ANK1: variants seen among roughly 807,000 people sequenced by gnomAD.
The protein encoded by ANK1 is ankyrin 1.
A neutral mutation model predicts 210.4 loss-of-function variants in ANK1; 51 were observed. The ratio of observed to expected loss-of-function variants is 0.24; its 90% CI spans 0.19 to 0.31. The LOEUF (loss-of-function observed/expected upper bound fraction) is 0.31. Among genes scored for constraint, ANK1 ranks in the 10% least tolerant of loss-of-function variants. The pLI, the probability that ANK1 is intolerant of heterozygous loss-of-function variation, is 1.00. For synonymous variants in ANK1, 967 were observed against 1,025.9 expected (o/e 0.94, Z 1.10); for missense variants, 2,051 against 2,504.4 (o/e 0.82, Z 3.86).
In ANK1 at chr8:41,783,144, G is replaced by A. The variant is rs929207614; in HGVS notation, c.27+14368C>T. Reference sequence around the variant, plus strand: ...CCTAATTAAGTGAATGCAGCGCATGGGGTTTCTGTGAACCAAGTCCTATTT... The same window carrying A: ...CCTAATTAAGTGAATGCAGCGCATGAGGTTTCTGTGAACCAAGTCCTATTT... On this transcript the variant is annotated intron_variant, in intron 1 of 42. Coordinates refer to ENST00000289734, the MANE Select transcript of ANK1 (RefSeq NM_000037.4). Among the ~76,000 whole-genome samples, 4 of 152,306 alleles carry A rather than the reference G, an allele frequency of 2.6e-5. 1 individual carries two copies. The highest frequency in any genetic ancestry group is 1.9e-4 in the East Asian group (1 of 5,192).
chr8:41,809,302 G>A lies in ANK1; in HGVS notation c.127-51165C>T, dbSNP rs78054533. On this transcript the variant is annotated intron_variant, in intron 1 of 42. Transcript: ENST00000265709. ...CAAACACTACATCTACACCAAATGC[G>A]CAGCTCTGTGAAAACTTCCAAGCCA... 1.1e-3 allele frequency among the ~76,000 whole-genome samples: 161 copies of A among 152,302 alleles called. 1 individual carries two copies. In the East Asian group the frequency reaches 0.029, roughly 28 times the overall value.
rs1554630992 is a variant in ANK1 at position 41,803,078 on chromosome 8, A to AGGAAGGAAGGAAGGAAGGAAG, written c.127-44942_127-44941insCTTCCTTCCTTCCTTCCTTCC. Reference sequence around the variant, plus strand: ...AAGAGAGAAAGGAAGGAAGGAAGGAAGGAAGGGAAGGAAAGGAAAGGAAAG... The same window carrying AGGAAGGAAGGAAGGAAGGAAG: ...AAGAGAGAAAGGAAGGAAGGAAGGAAGGAAGGAAGGAAGGAAGGAAGGGAAGGGAAGGAAAGGAAAGGAAAG... On this transcript the variant is annotated intron_variant, in intron 1 of 42. Coordinates refer to the ANK1 transcript ENST00000265709. 5.9e-4 allele frequency among the ~76,000 whole-genome samples: 44 copies of AGGAAGGAAGGAAGGAAGGAAG among 74,976 alleles called. 1 individual carries two copies. Among genetic ancestry groups the AGGAAGGAAGGAAGGAAGGAAG allele is most frequent in the African/African-American group, 1.9e-3 (33 of 17,606 alleles). 49.2% of individuals were successfully genotyped at this position (74,976 alleles called of 152,430 possible). A position where few individuals can be genotyped will look rare whatever the true frequency, so the allele number is the denominator to read the frequency against.
At chr8:41,820,167 C>CTTT (rs35718313) in intron 1 of ANK1, among the ~76,000 whole-genome samples, 27 of 147,954 alleles carry the variant, frequency 1.8e-4, no homozygotes, top group African/African-American at 5.9e-4. Flanking sequence ...TAGATCTCAC[C>CTTT]TTTTTTTTTT....
intron 1 of ANK1, among the ~76,000 whole-genome samples, chr8:41,873,219 C>T (rs1815903607): frequency 6.6e-6 from 1 of 152,192 alleles, no homozygotes; most frequent in South Asian, 2.1e-4. Flanking sequence ...CCGATTGCCT[C>T]GAACCTTCAT....
At chr8:41,763,296 T>G (rs1029845006) in intron 1 of ANK1, among the ~76,000 whole-genome samples, 3 of 152,034 alleles carry the variant, frequency 2.0e-5, no homozygotes, top group Non-Finnish European at 2.9e-5. Context: ...TGAGGAAAGC[T>G]AAACCATTTC....
At chr8:41,881,463 C>A (rs1034905359) in intron 1 of ANK1, among the ~76,000 whole-genome samples, 1 of 152,102 alleles carries the variant, frequency 6.6e-6, no homozygotes. Flanking sequence ...GGTTCTGTTT[C>A]GGGAATACAT....
At chr8:41,896,006 C>T (rs1008270655) in intron 1 of ANK1, among the ~76,000 whole-genome samples, 2 of 152,182 alleles carry the variant, frequency 1.3e-5, no homozygotes, top group African/African-American at 4.8e-5. Flanking sequence ...GCCCACCACC[C>T]GCAGCCGGCA....
At chr8:41,701,668 C>T in intron 21 of ANK1, 46 bp from the exon 22 acceptor site, 1 of 1,577,128 alleles carries the variant, frequency 6.3e-7, no homozygotes, top group Non-Finnish European at 8.7e-7. Flanking sequence ...TAGAGCCGCA[C>T]ACATTTTTTA....
chr8:41,768,800 CAA>C (rs34057212), intron 1 of ANK1, among the ~76,000 whole-genome samples: 4,652 of 130,850 alleles, frequency 0.036, 219 homozygotes, highest in African/African-American at 0.11. Flanking sequence ...CCTGTCTCCA[CAA>C]AAAAAAAAAA....
chr8:41,845,641 G>A (rs910029758), intron 1 of ANK1, among the ~76,000 whole-genome samples: 2 of 152,036 alleles, frequency 1.3e-5, no homozygotes, highest in Non-Finnish European at 2.9e-5. Flanking sequence ...CACTCTGTTA[G>A]TGAAGAAGGG....
intron 20 of ANK1, 25 bp from the exon 21 acceptor site, chr8:41,702,169 A>G (rs1273383257): frequency 6.3e-7 from 1 of 1,597,296 alleles, no homozygotes; most frequent in East Asian, 2.2e-5. Context: ...GCCCGGGTGC[A>G]GTCAGACAGG....
rs566549360 is a variant in ANK1 at position 41,730,994 on chromosome 8, G to A, written c.228+2977C>T. 3.9e-5 allele frequency among the ~76,000 whole-genome samples: 6 copies of A among 152,344 alleles called. No homozygotes were observed. The South Asian group carries it at 6.2e-4, about 16-fold the overall frequency. On this transcript the variant is annotated intron_variant, in intron 3 of 42. Transcript: ENST00000289734. Reference sequence around the variant, plus strand: ...CCCACGAGGAGGGGAAGGTCACCCTGTTTTGGGGAGCTCATCAGTGATGGA... The same window carrying A: ...CCCACGAGGAGGGGAAGGTCACCCTATTTTGGGGAGCTCATCAGTGATGGA...
intron 9 of ANK1, among the ~76,000 whole-genome samples, chr8:41,722,032 C>T (rs1324869308): frequency 1.3e-5 from 2 of 152,212 alleles, no homozygotes; most frequent in African/African-American, 4.8e-5. Flanking sequence ...AGCAATTCTA[C>T]TTTCATTTAG....
chr8:41,733,091 A>G (rs545338592), intron 3 of ANK1, among the ~76,000 whole-genome samples: 2 of 152,366 alleles, frequency 1.3e-5, no homozygotes, highest in South Asian at 2.1e-4. Context: ...AATAAGATGC[A>G]TGTCAGGTAA....
At chr8:41,787,086 G>A (rs1846567895) in intron 1 of ANK1, among the ~76,000 whole-genome samples, 1 of 152,202 alleles carries the variant, frequency 6.6e-6, no homozygotes, top group African/African-American at 2.4e-5. Flanking sequence ...ATGCCTGATG[G>A]GGGCCATGGC....
At chr8:41,760,903 TA>T (rs538201242) in intron 1 of ANK1, among the ~76,000 whole-genome samples, 3 of 151,654 alleles carry the variant, frequency 2.0e-5, no homozygotes, top group African/African-American at 4.8e-5. Context: ...CATGCCCTCC[TA>T]AAAAAAACAT....
At chr8:41,875,239 G>C (rs1587561390) in intron 1 of ANK1, among the ~76,000 whole-genome samples, 1 of 152,240 alleles carries the variant, frequency 6.6e-6, no homozygotes, top group Non-Finnish European at 1.5e-5. Context: ...AGACCCTAAA[G>C]ACTCTGCAGC....
rs754832300 is a variant in ANK1, at chr8:41,706,196, G to T, written c.2044C>A (p.Pro682Thr). The change falls in exon 18 of 43, where the codon CCA (proline) becomes ACA (threonine). Residue 682 changes from proline to threonine, a missense_variant. Pro to Thr is a conservative substitution (Grantham distance 38, BLOSUM62 -1). This residue lies in a region of ANK1 where 1,413 missense variants were observed against 1,707.4 expected (regional missense o/e 0.83). Coordinates refer to ENST00000289734, the MANE Select transcript of ANK1 (RefSeq NM_000037.4). The part of the protein sequence containing the change: ...LHLVAQEGHV[P>T]VADVLIKHGV... ...TGTTTGATCAGCACATCTGCCACTG[G>T]AACGTGGCCTTCTTGTGCTACCAGA... 1 of 1,614,146 alleles carries T rather than the reference G, an allele frequency of 6.2e-7. No individual in the cohort carries two copies. Among genetic ancestry groups the T allele is most frequent in the African/African-American group, 1.3e-5 (1 of 75,066 alleles).
In ANK1 at chr8:41,792,644, T is replaced by C. The variant is rs1460313010; in HGVS notation, c.27+4868A>G. Among the ~76,000 whole-genome samples the C allele has an allele frequency of 4.6e-5, 7 of 152,102 alleles. No individual in the cohort carries two copies. The South Asian group carries it at 6.2e-4, about 14-fold the overall frequency. On this transcript the variant is annotated intron_variant, in intron 1 of 42. Coordinates refer to ENST00000289734, the MANE Select transcript of ANK1 (RefSeq NM_000037.4). ...CACAGCGTGGAGGAGAGATGACATA[T>C]ATATAAATAAGCGGGGAGGTGTGGA...
Sources: gnomAD v4.1 joint callset for allele counts (sites outside exome capture counted in the v4.1 genomes callset) on GRCh38, gnomAD v4.1.1 for gene constraint, gnomAD v4.1.1 regional missense constraint, MANE v1.5 for transcripts, NCBI Gene and HGNC (gene_info 2026-07-23, HGNC 2026-07-21) for gene names.